RYR2: variants seen among roughly 807,000 people sequenced by gnomAD.
The protein encoded by RYR2 is ryanodine receptor 2.
RYR2 carries 227 observed loss-of-function variants against 601.1 expected under a neutral mutation model. That is an observed-to-expected ratio of 0.38 (90% CI 0.34 to 0.42). The LOEUF (loss-of-function observed/expected upper bound fraction) is 0.42. RYR2 is among the 10% of genes least tolerant of loss of function. The pLI, the probability that RYR2 is intolerant of heterozygous loss-of-function variation, is 1.00. For missense variants in RYR2, 4,646 were observed against 6,156.5 expected, an observed-to-expected ratio of 0.75 and a Z score of 8.21; for synonymous variants, 2,223 against 2,175.1, an observed-to-expected ratio of 1.02 and a Z score of -0.61.
intron 1 of RYR2, among the ~76,000 whole-genome samples, chr1:237,080,115 T>G (rs1665448081): frequency 1.7e-5 from 1 of 59,370 alleles, no homozygotes; most frequent in African/African-American, 8.0e-5. Flanking sequence ...TTACACCTTA[T>G]ACAAAAATCA....
chr1:237,091,261 G>C (rs1400425297), intron 1 of RYR2, among the ~76,000 whole-genome samples: 1 of 152,104 alleles, frequency 6.6e-6, no homozygotes, highest in Non-Finnish European at 1.5e-5. Flanking sequence ...CATCAAGCAG[G>C]TTGTTTCAGG....
intron 1 of RYR2, among the ~76,000 whole-genome samples, chr1:237,088,055 G>T (rs1318851866): frequency 6.6e-6 from 1 of 152,110 alleles, no homozygotes; most frequent in Non-Finnish European, 1.5e-5. Flanking sequence ...TGCCATTTCT[G>T]CCTTTGGAAA....
At chr1:237,657,263 A>G (rs1172200737) in intron 53 of RYR2, among the ~76,000 whole-genome samples, 1 of 152,174 alleles carries the variant, frequency 6.6e-6, no homozygotes, top group Non-Finnish European at 1.5e-5. Flanking sequence ...ACCATCTTAT[A>G]CTAGATTTTA....
intron 2 of RYR2, among the ~76,000 whole-genome samples, chr1:237,317,383 A>C (rs78947657): frequency 0.039 from 5,962 of 152,262 alleles, 277 homozygotes; most frequent in African/African-American, 0.11. Flanking sequence ...AAGTTTAAAC[A>C]TAGTTGCAGA....
chr1:237,125,814 C>T (rs1671345917), intron 1 of RYR2, among the ~76,000 whole-genome samples: 1 of 152,134 alleles, frequency 6.6e-6, no homozygotes, highest in South Asian at 2.1e-4. Flanking sequence ...ATGAAAATAT[C>T]CATTTTCAAA....
chr1:237,655,271 AAATTT>A (rs1175405440), intron 52 of RYR2, among the ~76,000 whole-genome samples: 1 of 152,200 alleles, frequency 6.6e-6, no homozygotes, highest in Non-Finnish European at 1.5e-5. Flanking sequence ...CTATAAATAT[AAATTT>A]AACTGTCATT....
chr1:237,602,122 T>C lies in RYR2; in HGVS notation c.4683+11T>C. The C allele has an allele frequency of 6.3e-7, 1 of 1,593,100 alleles. No individual in the cohort carries two copies. The highest frequency in any genetic ancestry group is 2.2e-5 in the East Asian group (1 of 44,606). On this transcript the variant is annotated intron_variant, in intron 35 of 104. Coordinates refer to ENST00000366574, the MANE Select transcript of RYR2 (RefSeq NM_001035.3). ...TTGGGAAGAATAAAGGTAATAAAAC[T>C]TATTCCTGGTATTGTATTTGTATTT... is the stretch of plus-strand genomic sequence containing the variant.
intron 1 of RYR2, among the ~76,000 whole-genome samples, chr1:237,229,673 G>A (rs1041283516): frequency 6.6e-6 from 1 of 152,220 alleles, no homozygotes; most frequent in Non-Finnish European, 1.5e-5. Flanking sequence ...GCGGGGGTGG[G>A]GAAGGTGGCA....
chr1:237,381,940 T>C (rs865774211), intron 8 of RYR2, among the ~76,000 whole-genome samples: 2 of 152,216 alleles, frequency 1.3e-5, no homozygotes, highest in African/African-American at 4.8e-5. Flanking sequence ...AATCTTATTT[T>C]CTTTTAAAGA....
In RYR2 at chr1:237,331,721, G is replaced by T. The variant is rs9803963; in HGVS notation, c.273+739G>T. Among the ~76,000 whole-genome samples, 1,078 of 148,210 alleles carry T rather than the reference G, an allele frequency of 7.3e-3. 12 individuals are homozygous for T. Among genetic ancestry groups the T allele is most frequent in the African/African-American group, 0.025 (1,013 of 40,140 alleles). Reference sequence around the variant, plus strand: ...AGTAGAGACGGGGTTTCACCATGTTGGCCAGGATGGTCTTGACCTCCTGAC... The same window carrying T: ...AGTAGAGACGGGGTTTCACCATGTTTGCCAGGATGGTCTTGACCTCCTGAC... On this transcript the variant is annotated intron_variant, in intron 3 of 104. Coordinates refer to ENST00000366574, the MANE Select transcript of RYR2 (RefSeq NM_001035.3).
At chr1:237,275,089 C>A (rs1278018875) in intron 2 of RYR2, among the ~76,000 whole-genome samples, 1 of 151,298 alleles carries the variant, frequency 6.6e-6, no homozygotes, top group Non-Finnish European at 1.5e-5. Context: ...CACACACATA[C>A]ACGCACACAC....
At chr1:237,530,382 C>T (rs781738999) in intron 24 of RYR2, 45 bp from the exon 25 acceptor site, 28 of 1,403,090 alleles carry the variant, frequency 2.0e-5, no homozygotes, top group Admixed American at 5.7e-5. Flanking sequence ...TTATTCTGGA[C>T]ATAGAGAAGA....
At chr1:237,572,546 A>T (rs1211474293) in intron 29 of RYR2, among the ~76,000 whole-genome samples, 1 of 152,182 alleles carries the variant, frequency 6.6e-6, no homozygotes, top group South Asian at 2.1e-4. Flanking sequence ...TTTGTATTTC[A>T]TAGAATTTTT....
At chr1:237,060,811 A>T (rs1662742030) in intron 1 of RYR2, among the ~76,000 whole-genome samples, 1 of 152,188 alleles carries the variant, frequency 6.6e-6, no homozygotes, top group African/African-American at 2.4e-5. Flanking sequence ...TTCTGGTTTC[A>T]CTAATAAAAA....
rs763744632 is a variant in RYR2 at position 237,819,115 on chromosome 1, A to G, written c.14513A>G (p.Glu4838Gly). ...GAAATCGAAGACCCAGCAGGAGATG[A>G]ATATGAGATCTATCGAATCATCTTT... Reference protein sequence around the residue: ...GDEIEDPAGDEYEIYRIIFDI... With the variant: ...GDEIEDPAGDGYEIYRIIFDI... The change falls in exon 101 of 105, where the codon GAA becomes GGA. Residue 4838 changes from glutamate to glycine, a missense_variant. This residue lies in a region of RYR2 where 55 missense variants were observed against 204.7 expected (regional missense o/e 0.27). Coordinates refer to ENST00000366574, the MANE Select transcript of RYR2 (RefSeq NM_001035.3). The surrounding 1 kb of genome is among the most constrained non-coding windows in gnomAD (Gnocchi z 4.0). 2.5e-6 allele frequency: 4 copies of G among 1,613,638 alleles called. No homozygotes were observed. The highest frequency in any genetic ancestry group is 3.4e-6 in the Non-Finnish European group (4 of 1,179,678).
chr1:237,062,658 A>ATGTATGTATG (rs1663027489), intron 1 of RYR2, among the ~76,000 whole-genome samples: 1 of 152,156 alleles, frequency 6.6e-6, no homozygotes, highest in South Asian at 2.1e-4. Context: ...TGTCATCTGT[A>ATGTATGTATG]CATACTGACC....
chr1:237,683,113 T>C (rs1306380601), intron 62 of RYR2, among the ~76,000 whole-genome samples: 1 of 152,208 alleles, frequency 6.6e-6, no homozygotes. Flanking sequence ...AAAATATTGG[T>C]AGGGTATAAA....
chr1:237,363,372 T>C (rs1420153394), intron 4 of RYR2, among the ~76,000 whole-genome samples: 1 of 152,124 alleles, frequency 6.6e-6, no homozygotes, highest in Admixed American at 6.5e-5. Context: ...GAAATTGTAA[T>C]ATTGAAAATG....
chr1:237,308,204 A>C (rs532744848), intron 2 of RYR2, among the ~76,000 whole-genome samples: 1 of 152,292 alleles, frequency 6.6e-6, no homozygotes, highest in South Asian at 2.1e-4. Flanking sequence ...ATTTTGCTTT[A>C]AAGATAATAA....
Sources: allele counts gnomAD v4.1 joint callset (sites outside exome capture counted in the v4.1 genomes callset), GRCh38; gene constraint gnomAD v4.1.1; regional missense constraint gnomAD v4.1.1; non-coding constraint Gnocchi (gnomAD v3.1); transcripts MANE v1.5; gene names NCBI Gene and HGNC (gene_info 2026-07-23, HGNC 2026-07-21).